Variants in HYDIN observed in about 807,000 individuals in gnomAD.
The protein encoded by HYDIN is HYDIN axonemal central pair apparatus protein, also known as axonemal central pair apparatus protein HYDIN.
In HYDIN, 132 loss-of-function variants were observed where a neutral mutation model predicts 403.9. The ratio of observed to expected loss-of-function variants is 0.33; its 90% confidence interval spans 0.28 to 0.38. HYDIN has a LOEUF of 0.38. Among genes scored for constraint, HYDIN ranks in the 10% least tolerant of loss-of-function variants. The pLI, the probability that HYDIN is intolerant of heterozygous loss-of-function variation, is 1.00. For missense variants in HYDIN, 2,827 were observed against 5,009.5 expected (o/e 0.56, Z 13.15); for synonymous variants, 1,202 against 1,891.7 (o/e 0.64, Z 9.46).
chr16:71,187,159 A>C (rs544003386), intron 1 of HYDIN, among the ~76,000 whole-genome samples: 2 of 152,176 alleles, frequency 1.3e-5, no homozygotes, highest in Non-Finnish European at 2.9e-5. Flanking sequence ...GCTCAGGAAG[A>C]CATGGAAGTA....
At position 70,879,598 on chromosome 16, in the gene HYDIN, T is replaced by C. The variant is rs1774325; in HGVS notation, c.10367+7A>G. ...AGGAGAGGGAGCTGGGAGCTGGGAG[T>C]TGGTACCTGGGCAAGCCATCCAAGG... is the stretch of plus-strand genomic sequence containing the variant. On this transcript the variant is annotated splice_region_variant and intron_variant, in intron 61 of 85. Coordinates refer to ENST00000393567, the MANE Select transcript of HYDIN (RefSeq NM_001270974.2). 1 of 1,613,276 alleles carries C rather than the reference T, an allele frequency of 6.2e-7. No individual in the cohort carries two copies. Among genetic ancestry groups the C allele is most frequent in the Non-Finnish European group, 8.5e-7 (1 of 1,179,914 alleles).
At chr16:70,942,042 A>G (rs1319832934) in intron 42 of HYDIN, among the ~76,000 whole-genome samples, 2 of 129,066 alleles carry the variant, frequency 1.5e-5, no homozygotes, top group African/African-American at 3.0e-5. Context: ...TTTGAGACAG[A>G]GTCTCCCTCG....
Position 70,872,128 on chromosome 16 carries a change from T to C in HYDIN, c.11000A>G (p.Tyr3667Cys). The C allele has an allele frequency of 6.4e-7, 1 of 1,565,790 alleles. No individual in the cohort carries two copies. The highest frequency in any genetic ancestry group is 8.7e-7 in the Non-Finnish European group (1 of 1,151,084). ...ATTTGTGACTGTGAAGCTCGCATTA[T>C]AGCTGTGTCCAATGTGGCAGTCCCC... ...QFGDCHIGHSYNASFTVTNHS... is the reference protein window; with the variant it reads ...QFGDCHIGHSCNASFTVTNHS... The change falls in exon 65 of 86, where the codon TAT becomes TGT. Residue 3667 changes from tyrosine (Y) to cysteine (C), a missense_variant. Physicochemically the swap from Tyr to Cys is radical, Grantham distance 194. Transcript: ENST00000393567.
chr16:70,870,555 T>G (rs931228441), intron 65 of HYDIN, among the ~76,000 whole-genome samples: 2 of 151,130 alleles, frequency 1.3e-5, no homozygotes, highest in Non-Finnish European at 3.0e-5. Flanking sequence ...ACTTGGCAGC[T>G]TCCATGTGGT....
chr16:71,110,716 G>T (rs1445513549), intron 10 of HYDIN, among the ~76,000 whole-genome samples: 2 of 149,698 alleles, frequency 1.3e-5, no homozygotes, highest in Non-Finnish European at 3.0e-5. Context: ...GGGTCAGGGA[G>T]CCCATACTTC....
At chr16:71,113,621 T>C in intron 10 of HYDIN, 1 of 146,106 alleles carries the variant, frequency 6.8e-6, no homozygotes, top group Non-Finnish European at 1.5e-5. Context: ...TGAGACAGGG[T>C]CTCACTCTGT....
chr16:70,942,587 G>T (rs1198296116), intron 42 of HYDIN, among the ~76,000 whole-genome samples: 2 of 152,288 alleles, frequency 1.3e-5, no homozygotes, highest in Non-Finnish European at 1.5e-5. Flanking sequence ...CTTACTCAGT[G>T]TTACTCAAAG....
intron 60 of HYDIN, among the ~76,000 whole-genome samples, chr16:70,882,189 T>A (rs1016456390): frequency 4.6e-5 from 7 of 152,126 alleles, no homozygotes; most frequent in Admixed American, 3.9e-4. Flanking sequence ...TCGGAAGAGT[T>A]GTTGTGAGGG....
intron 64 of HYDIN, among the ~76,000 whole-genome samples, chr16:70,873,148 G>C (rs530476470): frequency 9.0e-4 from 32 of 35,390 alleles, no homozygotes; most frequent in Non-Finnish European, 1.5e-3. Flanking sequence ...TGTTTGGTGA[G>C]AAAATATTAT....
At chr16:71,131,862 G>C (rs1280271676) in intron 8 of HYDIN, 4 of 151,648 alleles carry the variant, frequency 2.6e-5, no homozygotes, top group African/African-American at 9.7e-5. Context: ...TGCCTCCCAG[G>C]AATCCAGGGA....
chr16:70,882,985 A>G (rs2040904242), intron 59 of HYDIN, 90 bp from the exon 60 acceptor site: 4 of 1,070,812 alleles, frequency 3.7e-6, no homozygotes, highest in Non-Finnish European at 5.7e-6. Context: ...ATTCTCACAA[A>G]GGAGAATTGT....
At chr16:70,902,794 A>AATATATATATAT (rs1264288990) in intron 52 of HYDIN, among the ~76,000 whole-genome samples, 80 of 61,042 alleles carry the variant, frequency 1.3e-3, no homozygotes, top group Non-Finnish European at 1.4e-3. Flanking sequence ...CTACTCTTTA[A>AATATATATATAT]ATATATATAT....
intron 41 of HYDIN, among the ~76,000 whole-genome samples, chr16:70,950,522 T>C (rs2078033490): frequency 6.6e-6 from 1 of 151,694 alleles, no homozygotes; most frequent in Non-Finnish European, 1.5e-5. Context: ...CCTCCCGAAG[T>C]GCTGGGATTA....
rs528832315 is a variant in HYDIN at position 71,087,379 on chromosome 16, A to G, written c.1670+922T>C. Reference sequence around the variant, plus strand: ...TTATTTTTTCACATGGCCCTTTTCTATGTGTATGTCTGTGTCCTAATGTCC... The same window carrying G: ...TTATTTTTTCACATGGCCCTTTTCTGTGTGTATGTCTGTGTCCTAATGTCC... On this transcript the variant is annotated intron_variant, in intron 12 of 85. Coordinates refer to ENST00000393567, the MANE Select transcript of HYDIN (RefSeq NM_001270974.2). Among the ~76,000 whole-genome samples, 18 of 149,024 alleles carry G rather than the reference A, an allele frequency of 1.2e-4. No individual in the cohort carries two copies. In the South Asian group the frequency reaches 3.8e-3, roughly 31 times the overall value.
intron 75 of HYDIN, among the ~76,000 whole-genome samples, chr16:70,844,484 T>C (rs1301842793): frequency 1.4e-5 from 2 of 143,874 alleles, no homozygotes; most frequent in African/African-American, 2.6e-5. Context: ...GTGTGATGCC[T>C]CCAGCTTTGT....
intron 30 of HYDIN, among the ~76,000 whole-genome samples, chr16:70,978,178 T>C (rs2078942796): frequency 6.6e-6 from 1 of 150,646 alleles, no homozygotes; most frequent in Non-Finnish European, 1.5e-5. Context: ...CCTGTCTCAG[T>C]CCCCCTCCTT....
intron 18 of HYDIN, among the ~76,000 whole-genome samples, chr16:71,058,823 G>A (rs1184014230): frequency 4.0e-5 from 6 of 151,762 alleles, no homozygotes; most frequent in East Asian, 1.9e-4. Context: ...CTCTGCCACC[G>A]ATGGGACAGT....
At chr16:71,007,668 G>A (rs1397604504) in intron 23 of HYDIN, among the ~76,000 whole-genome samples, 36 of 134,430 alleles carry the variant, frequency 2.7e-4, no homozygotes, top group Non-Finnish European at 1.1e-4. Flanking sequence ...TGGTGAGGCA[G>A]AGGAAAAAAG....
intron 7 of HYDIN, among the ~76,000 whole-genome samples, chr16:71,139,542 C>A (rs2085086338): frequency 6.6e-6 from 1 of 151,632 alleles, no homozygotes. Context: ...TCAATAAGAT[C>A]TTTAAAAATT....
Sources: gnomAD v4.1 joint callset for allele counts (sites outside exome capture counted in the v4.1 genomes callset) on GRCh38, gnomAD v4.1.1 for gene constraint, MANE v1.5 for transcripts, NCBI Gene and HGNC (gene_info 2026-07-23, HGNC 2026-07-21) for gene names.